NECTIN4: variants seen among roughly 807,000 people sequenced by gnomAD.
The protein encoded by NECTIN4 is nectin cell adhesion molecule 4, also known as nectin-4.
In NECTIN4, 19 loss-of-function variants were observed where a neutral mutation model predicts 51.7. The ratio of observed to expected loss-of-function variants is 0.37; its 90% CI spans 0.26 to 0.54. The LOEUF (loss-of-function observed/expected upper bound fraction) is 0.54, where lower values mean the gene tolerates loss of function less well. Ranked by LOEUF, NECTIN4 falls within the 20% of genes least tolerant of loss-of-function variation. The pLI is 0.86. For synonymous variants in NECTIN4, 283 were observed against 286.9 expected (o/e 0.99, Z 0.14); for missense variants, 619 against 662.4 (o/e 0.93, Z 0.72).
chr1:161,088,214 A>C (rs1163172515), intron 1 of NECTIN4, among the ~76,000 whole-genome samples: 1 of 152,114 alleles, frequency 6.6e-6, no homozygotes, highest in Non-Finnish European at 1.5e-5. Context: ...AGGTAGGGGA[A>C]TCACTGCCAG....
chr1:161,085,238 G>C (rs1033754476), intron 1 of NECTIN4, among the ~76,000 whole-genome samples: 4 of 152,058 alleles, frequency 2.6e-5, no homozygotes, highest in Non-Finnish European at 4.4e-5. Flanking sequence ...TGTCTGGGGA[G>C]GGGGGCCACA....
chr1:161,073,115 A>T, intron 8 of NECTIN4, 110 bp downstream of exon 8: 1 of 1,014,936 alleles, frequency 9.9e-7, no homozygotes, highest in Non-Finnish European at 1.5e-6. Flanking sequence ...TGCATGAGCC[A>T]GGGCTAAGGA....
At chr1:161,088,261 C>T (rs147002160) in intron 1 of NECTIN4, among the ~76,000 whole-genome samples, 3 of 152,184 alleles carry the variant, frequency 2.0e-5, no homozygotes, top group African/African-American at 7.2e-5. Context: ...TGCTACTGCT[C>T]CTGGGCCTGA....
chr1:161,073,131 G>A, intron 8 of NECTIN4, 94 bp downstream of exon 8: 2 of 1,125,476 alleles, frequency 1.8e-6, no homozygotes, highest in Non-Finnish European at 2.7e-6. Context: ...AAGGAAAGAG[G>A]GACTGGTAAG....
intron 2 of NECTIN4, 112 bp from the exon 3 acceptor site, chr1:161,077,855 C>T (rs985245643): frequency 1.0e-6 from 1 of 986,652 alleles, no homozygotes; most frequent in Non-Finnish European, 1.5e-6. Context: ...CCCTTTCCTT[C>T]TCTTATTTCA....
intron 7 of NECTIN4, 123 bp downstream of exon 7, chr1:161,073,597 C>T (rs1025647786): frequency 2.5e-5 from 24 of 957,274 alleles, no homozygotes; most frequent in Non-Finnish European, 5.1e-6. Flanking sequence ...CGGCCAACCC[C>T]AGCTGTGAGT....
chr1:161,074,518 C>T (rs1653323866), intron 5 of NECTIN4, 93 bp downstream of exon 5: 2 of 1,585,340 alleles, frequency 1.3e-6, no homozygotes, highest in South Asian at 1.1e-5. Flanking sequence ...TGAATAAACA[C>T]TTTCCCAATT....
In NECTIN4 at chr1:161,072,128, C is replaced by A. The variant is rs1301296010; in HGVS notation, c.*533G>T. Reference sequence around the variant, plus strand: ...GGTTCCCTCACACCGGAGGCAGATTCCAGCTCCAGCTATGCCCGCACACCT... The same window carrying A: ...GGTTCCCTCACACCGGAGGCAGATTACAGCTCCAGCTATGCCCGCACACCT... On this transcript the variant is annotated 3_prime_UTR_variant, in exon 9 of 9. Coordinates refer to ENST00000368012, the MANE Select transcript of NECTIN4 (RefSeq NM_030916.3). 5.0e-6 allele frequency: 1 copy of A among 200,486 alleles called. No homozygotes were observed. Among genetic ancestry groups the A allele is most frequent in the Non-Finnish European group, 1.0e-5 (1 of 95,666 alleles). The allele number at this position is 200,486 out of a possible 1,614,324, so 12.4% of individuals were successfully genotyped here.
chr1:161,082,839 C>T (rs149892837), intron 1 of NECTIN4, among the ~76,000 whole-genome samples: 1 of 152,292 alleles, frequency 6.6e-6, no homozygotes, highest in East Asian at 1.9e-4. Context: ...AACATATCCT[C>T]TGCTTCAAAC....
At chr1:161,076,522 T>C (rs145417930) in intron 3 of NECTIN4, 47 bp from the exon 4 acceptor site, 1 of 1,610,862 alleles carries the variant, frequency 6.2e-7, no homozygotes, top group Non-Finnish European at 8.5e-7. Flanking sequence ...ATGCCTTTGA[T>C]CATGTGGTAC....
intron 1 of NECTIN4, among the ~76,000 whole-genome samples, chr1:161,083,185 C>G (rs1446103970): frequency 2.0e-5 from 3 of 152,182 alleles, no homozygotes; most frequent in Non-Finnish European, 4.4e-5. Context: ...TTCTGGATAT[C>G]TCCCACAGAT....
In NECTIN4 at chr1:161,073,712, G is replaced by C; in HGVS notation, c.1233+8C>G. The C allele has an allele frequency of 6.2e-7, 1 of 1,613,256 alleles. No individual in the cohort carries two copies. The highest frequency in any genetic ancestry group is 8.5e-7 in the Non-Finnish European group (1 of 1,179,192). On this transcript the variant is annotated splice_region_variant and intron_variant, in intron 7 of 8. Transcript: ENST00000368012. ...CCCTGCATGCATACACCCAACCTTG[G>C]CACACACCTGGCTCCTGGGGTCCGT...
At chr1:161,085,395 C>G (rs1043190449) in intron 1 of NECTIN4, among the ~76,000 whole-genome samples, 1 of 152,194 alleles carries the variant, frequency 6.6e-6, no homozygotes, top group Non-Finnish European at 1.5e-5. Context: ...AACAGCCACA[C>G]TGTGGGTGGG....
intron 7 of NECTIN4, 33 bp downstream of exon 7, chr1:161,073,687 C>T (rs1240994561): frequency 3.8e-6 from 6 of 1,579,998 alleles, no homozygotes; most frequent in East Asian, 2.2e-5. Context: ...GCGACCACAC[C>T]CCTGCATGCA....
chr1:161,085,004 C>G (rs1237937930), intron 1 of NECTIN4: 1 of 148,482 alleles, frequency 6.7e-6, no homozygotes, highest in East Asian at 1.9e-4. Flanking sequence ...AGGAGGGACG[C>G]ACCGAAGCTC....
Position 161,071,799 on chromosome 1 carries a change from A to C in NECTIN4, c.*862T>G, listed in dbSNP as rs1297111906. 1 of 151,908 alleles carries C rather than the reference A, an allele frequency of 6.6e-6. No individual in the cohort carries two copies. The highest frequency in any genetic ancestry group is 1.5e-5 in the Non-Finnish European group (1 of 68,004). The allele number at this position is 151,908 out of a possible 1,614,324, so 9.4% of individuals were successfully genotyped here. On this transcript the variant is annotated 3_prime_UTR_variant, in exon 9 of 9. Coordinates refer to ENST00000368012, the MANE Select transcript of NECTIN4 (RefSeq NM_030916.3). ...GGCAGGAGGATTGCTTGAGCCCAGG[A>C]GTTCAAGGCCAGCCTGAGCAACATA...
At chr1:161,080,417 G>C (rs769193784) in intron 1 of NECTIN4, among the ~76,000 whole-genome samples, 90 of 152,242 alleles carry the variant, frequency 5.9e-4, no homozygotes, top group Non-Finnish European at 9.6e-4. Flanking sequence ...GATAGTTTCA[G>C]AAAGTGTGGC....
At chr1:161,082,222 G>C (rs1032454060) in intron 1 of NECTIN4, among the ~76,000 whole-genome samples, 1 of 152,052 alleles carries the variant, frequency 6.6e-6, no homozygotes, top group Non-Finnish European at 1.5e-5. Flanking sequence ...CCAGCTACTC[G>C]GGAGGCTGAG....
chr1:161,072,978 G>T, intron 8 of NECTIN4, 93 bp from the exon 9 acceptor site: 1 of 1,254,418 alleles, frequency 8.0e-7, no homozygotes, highest in Non-Finnish European at 1.1e-6. Flanking sequence ...TCAGAGGCCA[G>T]GCGTAAGCAG....
Sources: allele counts gnomAD v4.1 joint callset (sites outside exome capture counted in the v4.1 genomes callset), GRCh38; gene constraint gnomAD v4.1.1; transcripts MANE v1.5; gene names NCBI Gene and HGNC (gene_info 2026-07-23, HGNC 2026-07-21).